The following HNRNPU variants were observed in gnomAD, a reference collection of about 807,000 sequenced individuals.
HNRNPU encodes heterogeneous nuclear ribonucleoprotein U.
Under a neutral mutation model 94.7 loss-of-function variants are expected in HNRNPU, and 5 were observed. The observed-to-expected ratio is 0.05, with a 90% CI of 0.03 to 0.11. The LOEUF is 0.11. Among genes scored for constraint, HNRNPU ranks in the 10% least tolerant of loss-of-function variants. The pLI is 1.00. For synonymous variants in HNRNPU, 434 were observed against 381.6 expected (o/e 1.14, Z -1.60); for missense variants, 710 against 1,049.2 (o/e 0.68, Z 4.47).
intron 7 of HNRNPU, 28 bp from the exon 8 acceptor site, chr1:244,857,745 C>T (rs1680717458): frequency 6.2e-7 from 1 of 1,608,548 alleles, no homozygotes; most frequent in Admixed American, 1.7e-5. Flanking sequence ...AATGTCATTT[C>T]ACTGTCAGTA....
rs1235354611 is a variant in HNRNPU at position 244,851,250 on chromosome 1, T to C, written c.*3200A>G. 6.6e-6 allele frequency: 1 copy of C among 152,240 alleles called. No individual in the cohort carries two copies. The highest frequency in any genetic ancestry group is 1.5e-5 in the Non-Finnish European group (1 of 68,044). 9.4% of individuals were successfully genotyped at this position (152,240 alleles called of 1,614,324 possible). ...GATATGTTTATGCCTCTCTGTTTAT[T>C]CTAGTTTTTTAAAAATCAAATATAC... On this transcript the variant is annotated 3_prime_UTR_variant, in exon 14 of 14. Coordinates refer to ENST00000640218, the MANE Select transcript of HNRNPU (RefSeq NM_031844.3).
At chr1:244,857,576 A>G (rs767027162) in intron 8 of HNRNPU, 22 bp downstream of exon 8, 2 of 1,608,536 alleles carry the variant, frequency 1.2e-6, no homozygotes, top group Admixed American at 1.7e-5. Context: ...CACTGAGATC[A>G]GGCCCTAAAC....
At position 244,864,432 on chromosome 1, in the gene HNRNPU, G is replaced by T; in HGVS notation, c.-125C>A. On this transcript the variant is annotated 5_prime_UTR_variant, in exon 1 of 14. Coordinates refer to ENST00000640218, the MANE Select transcript of HNRNPU (RefSeq NM_031844.3). Reference sequence around the variant, plus strand: ...CGGCTGCGGCTGCGGCTGGAGATGGGTTCGTGCTGCAGAGCGGATCCGCCT... The same window carrying T: ...CGGCTGCGGCTGCGGCTGGAGATGGTTTCGTGCTGCAGAGCGGATCCGCCT... 6.6e-7 allele frequency: 1 copy of T among 1,507,874 alleles called. No individual in the cohort carries two copies. Among genetic ancestry groups the T allele is most frequent in the Admixed American group, 2.3e-5 (1 of 43,190 alleles). The allele number at this position is 1,507,874 out of a possible 1,614,324, so 93.4% of individuals were successfully genotyped here. A position where few individuals can be genotyped will look rare whatever the true frequency, so the allele number is the denominator to read the frequency against.
Position 244,854,228 on chromosome 1 carries a change from T to C in HNRNPU, c.*222A>G. On this transcript the variant is annotated 3_prime_UTR_variant, in exon 14 of 14. Coordinates refer to ENST00000640218, the MANE Select transcript of HNRNPU (RefSeq NM_031844.3). ...ACCCTGAAATACTGACACATTCTCT[T>C]ATCGTGCACAATGCTGAGGTTCTCT... The C allele has an allele frequency of 2.1e-6, 1 of 477,388 alleles. No individual in the cohort carries two copies. The highest frequency in any genetic ancestry group is 3.7e-6 in the Non-Finnish European group (1 of 269,962). 29.6% of individuals were successfully genotyped at this position (477,388 alleles called of 1,614,324 possible). A position where few individuals can be genotyped will look rare whatever the true frequency, so the allele number is the denominator to read the frequency against.
chr1:244,855,855 C>T (rs1680665200), intron 11 of HNRNPU, 49 bp downstream of exon 11: 2 of 1,590,874 alleles, frequency 1.3e-6, no homozygotes, highest in African/African-American at 1.4e-5. Flanking sequence ...ATAAAATTAT[C>T]ACTTGTTTCG....
chr1:244,857,242 CTTTTCTTTTT>C lies in HNRNPU; in HGVS notation c.1614+346_1614+355del, dbSNP rs1031860858. ...GAATACCTCCCGGTCTATAATTTTT[CTTTTCTTTTT>C]TTTTTTTTTCTGAGACGGAGTGTTG... On this transcript the variant is annotated intron_variant, in intron 8 of 13. Coordinates refer to ENST00000640218, the MANE Select transcript of HNRNPU (RefSeq NM_031844.3). The C allele has an allele frequency of 2.5e-3, 550 of 218,076 alleles. 1 individual carries two copies. Among genetic ancestry groups the C allele is most frequent in the African/African-American group, 0.013 (528 of 42,160 alleles). 13.5% of individuals were successfully genotyped at this position (218,076 alleles called of 1,614,324 possible). A position where few individuals can be genotyped will look rare whatever the true frequency, so the allele number is the denominator to read the frequency against.
chr1:244,857,538 T>TGC, intron 8 of HNRNPU, 60 bp downstream of exon 8: 1 of 1,549,968 alleles, frequency 6.5e-7, no homozygotes, highest in South Asian at 1.2e-5. Flanking sequence ...TGAACCACCA[T>TGC]GCCCAGCCTC....
Position 244,856,037 on chromosome 1 carries a change from T to G in HNRNPU, c.2034A>C (p.Pro678=), listed in dbSNP as rs1356685669. The part of the protein sequence containing the change: ...QYKEESKKAL[P]PEKKQNTGSK... ...AGCCAGTGTTCTGTTTCTTTTCTGG[T>G]GGAAGAGCCTTTTTGCTTTCTTCCT... is the stretch of plus-strand genomic sequence containing the variant. Residue 678 remains proline, a synonymous_variant, in exon 11 of 14, where the codon CCA becomes CCC. Coordinates refer to ENST00000640218, the MANE Select transcript of HNRNPU (RefSeq NM_031844.3). 3 of 1,614,080 alleles carry G rather than the reference T, an allele frequency of 1.9e-6. No individual in the cohort carries two copies. In the African/African-American group the frequency reaches 4.0e-5, roughly 22 times the overall value.
chr1:244,857,651 T>G lies in HNRNPU; in HGVS notation c.1561A>C (p.Asn521His), dbSNP rs1333832447. 1 of 1,613,594 alleles carries G rather than the reference T, an allele frequency of 6.2e-7. No homozygotes were observed. The highest frequency in any genetic ancestry group is 8.5e-7 in the Non-Finnish European group (1 of 1,179,630). ...CCAAGAATGTTATATTTCCCTGGAT[T>G]TTCTGCTGCATGTTTAGTAACCCAG... Reference protein sequence around the residue: ...TTWVTKHAAENPGKYNILGTN... With the variant: ...TTWVTKHAAEHPGKYNILGTN... The change falls in exon 8 of 14, where the codon AAT (asparagine) becomes CAT (histidine). Residue 521 changes from asparagine (N) to histidine (H), a missense_variant. Around this residue, in one of 8 missense-constraint regions of HNRNPU, gnomAD observed 150 missense variants for 187.9 expected, o/e 0.80. Coordinates refer to ENST00000640218, the MANE Select transcript of HNRNPU (RefSeq NM_031844.3).
At chr1:244,859,623 A>G (rs1171908249) in intron 4 of HNRNPU, 1 of 292,038 alleles carries the variant, frequency 3.4e-6, no homozygotes, top group Non-Finnish European at 6.2e-6. Context: ...TCATGTTGTC[A>G]GTCTTTAACT....
In HNRNPU at chr1:244,864,130, G is replaced by A. The variant is rs747828993; in HGVS notation, c.178C>T (p.Leu60=). The A allele has an allele frequency of 1.9e-6, 3 of 1,600,370 alleles. No individual in the cohort carries two copies. Among genetic ancestry groups the A allele is most frequent in the African/African-American group, 2.7e-5 (2 of 74,752 alleles). Residue 60 remains leucine (L), a synonymous_variant, in exon 1 of 14, where the codon CTA becomes TTA. Transcript: ENST00000640218. The part of the protein sequence containing the change: ...RPAMEPGNGS[L]DLGGDSAGRS... ...CCAGCGGAATCCCCGCCCAGGTCTA[G>A]GCTGCCGTTCCCGGGCTCCATGGCG...
chr1:244,860,336 T>G lies in HNRNPU; in HGVS notation c.1016A>C (p.Lys339Thr), dbSNP rs1680794191. Residue 339 changes from lysine (K) to threonine (T), a missense_variant and splice_region_variant, in exon 4 of 14, where the codon AAG becomes ACG. Lys to Thr is a moderately conservative substitution (Grantham distance 78). Transcript: ENST00000640218. ...VSKGKVCFEM[K>T]VTEKIPVRHL... ...AACAAATCATAAAATTGCATTTACC[T>G]TCATCTCAAAACACACTTTGCCTTT... 2 of 1,608,408 alleles carry G rather than the reference T, an allele frequency of 1.2e-6. No individual in the cohort carries two copies. The highest frequency in any genetic ancestry group is 1.7e-6 in the Non-Finnish European group (2 of 1,178,024).
Position 244,863,978 on chromosome 1 carries a change from G to C in HNRNPU, c.330C>G (p.Asn110Lys). 6.2e-7 allele frequency: 1 copy of C among 1,613,668 alleles called. No homozygotes were observed. The highest frequency in any genetic ancestry group is 8.5e-7 in the Non-Finnish European group (1 of 1,179,858). The change falls in exon 1 of 14, where the codon AAC becomes AAG. Residue 110 changes from asparagine to lysine, a missense_variant. By Grantham distance (94) the Asn-to-Lys change is moderately conservative (BLOSUM62 0). Coordinates refer to ENST00000640218, the MANE Select transcript of HNRNPU (RefSeq NM_031844.3). ...DGDQMELGEE[N>K]GAAGAADSGP... The stretch of plus-strand genomic sequence containing the variant: ...CCGAGTCGGCCGCCCCCGCGGCCCC[G>C]TTCTCCTCTCCTAGCTCCATCTGGT...
At position 244,864,440 on chromosome 1, in the gene HNRNPU, T is replaced by C; in HGVS notation, c.-133A>G. The C allele has an allele frequency of 1.4e-6, 2 of 1,466,680 alleles. No homozygotes were observed. The highest frequency in any genetic ancestry group is 1.8e-6 in the Non-Finnish European group (2 of 1,091,468). 90.9% of individuals were successfully genotyped at this position (1,466,680 alleles called of 1,614,324 possible). A position where few individuals can be genotyped will look rare whatever the true frequency, so the allele number is the denominator to read the frequency against. On this transcript the variant is annotated 5_prime_UTR_variant, in exon 1 of 14. Transcript: ENST00000640218. ...GCTGCGGCTGGAGATGGGTTCGTGC[T>C]GCAGAGCGGATCCGCCTGGTGTCGA... is the stretch of plus-strand genomic sequence containing the variant.
At position 244,851,220 on chromosome 1, in the gene HNRNPU, T is replaced by C. The variant is rs1459488214; in HGVS notation, c.*3230A>G. On this transcript the variant is annotated 3_prime_UTR_variant, in exon 14 of 14. Transcript: ENST00000640218. ...CAATGCTAAACACTACCACTTGGAC[T>C]CTAAGATATGTTTATGCCTCTCTGT... is the stretch of plus-strand genomic sequence containing the variant. 1 of 152,232 alleles carries C rather than the reference T, an allele frequency of 6.6e-6. No homozygotes were observed. Among genetic ancestry groups the C allele is most frequent in the East Asian group, 1.9e-4 (1 of 5,200 alleles). 9.4% of individuals were successfully genotyped at this position (152,232 alleles called of 1,614,324 possible).
rs1319381762 is a variant in HNRNPU at position 244,864,278 on chromosome 1, C to T, written c.30G>A (p.Lys10=). 2 of 1,613,122 alleles carry T rather than the reference C, an allele frequency of 1.2e-6. No homozygotes were observed. The highest frequency in any genetic ancestry group is 1.7e-5 in the Admixed American group (1 of 59,972). The change falls in exon 1 of 14, where the codon AAG becomes AAA. Residue 10 remains lysine, a synonymous_variant. Transcript: ENST00000640218. ...CCTCTTTCAGCTCCGACACCTTCAG[C>T]TTTTTTACATTAACAGGCGAGGAAC... MSSSPVNVK[K]LKVSELKEEL... is the part of the protein sequence containing the mutation.
In HNRNPU at chr1:244,850,456, A is replaced by C. The variant is rs2102981863; in HGVS notation, c.*3994T>G. 1 of 142,692 alleles carries C rather than the reference A, an allele frequency of 7.0e-6. No homozygotes were observed. Among genetic ancestry groups the C allele is most frequent in the Non-Finnish European group, 1.5e-5 (1 of 66,080 alleles). The allele number at this position is 142,692 out of a possible 1,614,324, so 8.8% of individuals were successfully genotyped here. On this transcript the variant is annotated 3_prime_UTR_variant, in exon 14 of 14. Transcript: ENST00000640218. ...CCTTCATGCTTTAAAATTTAAAGTTATGGAGTAGCTGTGCCCACACCCCCC... is the reference window on the plus strand; with the variant it reads ...CCTTCATGCTTTAAAATTTAAAGTTCTGGAGTAGCTGTGCCCACACCCCCC...
chr1:244,857,820 C>T, intron 7 of HNRNPU, 103 bp from the exon 8 acceptor site: 2 of 1,453,242 alleles, frequency 1.4e-6, no homozygotes, highest in Middle Eastern at 1.8e-4. Flanking sequence ...TTTCATAGCC[C>T]TTACACTAAC....
rs1203404913 is a variant in HNRNPU, at chr1:244,859,369, T to C, written c.1023A>G (p.Thr341=). 1.3e-6 allele frequency: 2 copies of C among 1,492,386 alleles called. No individual in the cohort carries two copies. Among genetic ancestry groups the C allele is most frequent in the Non-Finnish European group, 1.9e-6 (2 of 1,070,572 alleles). The allele number at this position is 1,492,386 out of a possible 1,614,324, so 92.4% of individuals were successfully genotyped here. Residue 341 remains threonine, a synonymous_variant, in exon 5 of 14, where the codon ACA becomes ACG. Transcript: ENST00000640218. ...KGKVCFEMKV[T]EKIPVRHLYT... The stretch of plus-strand genomic sequence containing the variant: ...ATAAATGCCTTACTGGGATCTTCTC[T>C]GTAACCTGAAAGTCAAATCATTAAA...
Sources: allele counts gnomAD v4.1 joint callset, GRCh38; gene constraint gnomAD v4.1.1; regional missense constraint gnomAD v4.1.1; transcripts MANE v1.5; gene names NCBI Gene and HGNC (gene_info 2026-07-23, HGNC 2026-07-21).